SH2D3C: variants seen among roughly 807,000 people sequenced by gnomAD.
The protein encoded by SH2D3C is SH2 domain containing 3C.
Under a neutral mutation model 75.2 loss-of-function variants are expected in SH2D3C, and 25 were observed. The observed-to-expected ratio is 0.33, with a 90% CI of 0.24 to 0.46. The LOEUF (loss-of-function observed/expected upper bound fraction) is 0.46, where lower values mean the gene tolerates loss of function less well. Ranked by LOEUF, SH2D3C falls within the 20% of genes least tolerant of loss-of-function variation. SH2D3C has a pLI of 1.00. For synonymous variants in SH2D3C, 450 were observed against 473.7 expected (o/e 0.95, Z 0.65); for missense variants, 933 against 1,165.3 (o/e 0.80, Z 2.90).
At chr9:127,755,782 TG>T (rs1466709003) in intron 3 of SH2D3C, among the ~76,000 whole-genome samples, 1 of 152,160 alleles carries the variant, frequency 6.6e-6, no homozygotes, top group Non-Finnish European at 1.5e-5. Flanking sequence ...AGGGGCAGCC[TG>T]GATTCAACTG....
At chr9:127,767,398 C>T in intron 2 of SH2D3C, 3 of 1,185,184 alleles carry the variant, frequency 2.5e-6, no homozygotes, top group Non-Finnish European at 3.4e-6. Context: ...GGGCATGCAG[C>T]TGCTCAGACT....
Position 127,739,509 on chromosome 9 carries a change from CA to C in SH2D3C, c.2407+172del, listed in dbSNP as rs949675089. On this transcript the variant is annotated intron_variant, in intron 11 of 11. Coordinates refer to ENST00000314830, the MANE Select transcript of SH2D3C (RefSeq NM_170600.3). This position sits in a 1 kb window ranked among gnomAD's most constrained non-coding sequence, Gnocchi z 4.3. The stretch of plus-strand genomic sequence containing the variant: ...TGGGCGACAGTGTGAGACTCCATCT[CA>C]AAAAAAAAAGAAAAAAGAAAAGAAA... 1.1e-4 allele frequency among the ~76,000 whole-genome samples: 16 copies of C among 141,020 alleles called. No homozygotes were observed. The highest frequency in any genetic ancestry group is 2.3e-4 in the South Asian group (1 of 4,432). 92.5% of individuals were successfully genotyped at this position (141,020 alleles called of 152,430 possible). A position where few individuals can be genotyped will look rare whatever the true frequency, so the allele number is the denominator to read the frequency against.
intron 2 of SH2D3C, among the ~76,000 whole-genome samples, chr9:127,766,704 G>A (rs1845642020): frequency 6.6e-6 from 1 of 152,164 alleles, no homozygotes; most frequent in African/African-American, 2.4e-5. Flanking sequence ...TGAGTAGCTG[G>A]GACTACAGGT....
chr9:127,744,945 G>T lies in SH2D3C; in HGVS notation c.1419C>A (p.His473Gln). ...SDKGPHTSPS[H>Q]TLGKASPSPS... The stretch of plus-strand genomic sequence containing the variant: ...GTGACGGGGAGGCCTTGCCAAGGGT[G>T]TGGGAGGGGCTGGTGTGGGGGCCCT... Residue 473 changes from histidine (H) to glutamine (Q), a missense_variant, in exon 7 of 12, where the codon CAC becomes CAA. By Grantham distance (24) the His-to-Gln change is conservative. Transcript: ENST00000314830. The T allele has an allele frequency of 6.3e-7, 1 of 1,579,460 alleles. No homozygotes were observed.
At position 127,738,359 on chromosome 9, in the gene SH2D3C, C is replaced by G. The variant is rs1844748227; in HGVS notation, c.*387G>C. Reference sequence around the variant, plus strand: ...TTATTATATGAAAGAAATAACATGGCTTCTGTACATCTATTTACAGAACAG... The same window carrying G: ...TTATTATATGAAAGAAATAACATGGGTTCTGTACATCTATTTACAGAACAG... On this transcript the variant is annotated 3_prime_UTR_variant, in exon 12 of 12. Coordinates refer to ENST00000314830, the MANE Select transcript of SH2D3C (RefSeq NM_170600.3). The surrounding 1 kb of genome is among the most constrained non-coding windows in gnomAD (Gnocchi z 5.0). The G allele has an allele frequency of 6.1e-6, 1 of 162,986 alleles. No homozygotes were observed. The highest frequency in any genetic ancestry group is 1.3e-5 in the Non-Finnish European group (1 of 75,360). 10.1% of individuals were successfully genotyped at this position (162,986 alleles called of 1,614,324 possible).
chr9:127,760,507 T>C (rs1269524851), intron 3 of SH2D3C, among the ~76,000 whole-genome samples: 1 of 152,030 alleles, frequency 6.6e-6, no homozygotes, highest in Non-Finnish European at 1.5e-5. Flanking sequence ...CATGGGTTGA[T>C]GGGTGCAGCA....
Position 127,739,985 on chromosome 9 carries a change from C to G in SH2D3C, c.2201-97G>C, listed in dbSNP as rs970954303. 2 of 1,209,840 alleles carry G rather than the reference C, an allele frequency of 1.7e-6. No homozygotes were observed. The highest frequency in any genetic ancestry group is 2.3e-6 in the Non-Finnish European group (2 of 879,832). The allele number at this position is 1,209,840 out of a possible 1,614,324, so 74.9% of individuals were successfully genotyped here. A position where few individuals can be genotyped will look rare whatever the true frequency, so the allele number is the denominator to read the frequency against. On this transcript the variant is annotated intron_variant, in intron 10 of 11. Coordinates refer to ENST00000314830, the MANE Select transcript of SH2D3C (RefSeq NM_170600.3). The surrounding 1 kb of genome is among the most constrained non-coding windows in gnomAD (Gnocchi z 4.3). ...GAGGTGCAGGAGGGAACGGGCCTGG[C>G]TGAGGTCCGGGAGAGAGCCCCAAGG...
chr9:127,745,013 G>T lies in SH2D3C; in HGVS notation c.1351C>A (p.Leu451Met). 1 of 1,516,578 alleles carries T rather than the reference G, an allele frequency of 6.6e-7. No individual in the cohort carries two copies. The allele number at this position is 1,516,578 out of a possible 1,614,324, so 93.9% of individuals were successfully genotyped here. A position where few individuals can be genotyped will look rare whatever the true frequency, so the allele number is the denominator to read the frequency against. The change falls in exon 7 of 12, where the codon CTG becomes ATG. Residue 451 changes from leucine (L) to methionine (M), a missense_variant. Leu to Met is a conservative substitution (Grantham distance 15). Coordinates refer to ENST00000314830, the MANE Select transcript of SH2D3C (RefSeq NM_170600.3). ...PVARRSSEPQ[L>M]CPGSAPKTHG... ...GTCTTTGGGGCACTTCCGGGACACA[G>T]CTGGGGCTCACTGGAACGGCGGGCG...
Position 127,754,139 on chromosome 9 carries a change from A to G in SH2D3C, c.556-2839T>C, listed in dbSNP as rs1191608775. On this transcript the variant is annotated intron_variant, in intron 3 of 11. Transcript: ENST00000314830. This position sits in a 1 kb window ranked among gnomAD's most constrained non-coding sequence, Gnocchi z 4.4. ...GGGGGTGCTGGGGTGCGAATGCAGC[A>G]TCCCTGCGCTCGGCGCCCTGCTATT... Among the ~76,000 whole-genome samples, 4 of 152,294 alleles carry G rather than the reference A, an allele frequency of 2.6e-5. No individual in the cohort carries two copies. The East Asian group carries it at 7.8e-4, about 30-fold the overall frequency.
chr9:127,761,601 C>G lies in SH2D3C; in HGVS notation c.555+10G>C. 1 of 1,607,032 alleles carries G rather than the reference C, an allele frequency of 6.2e-7. No individual in the cohort carries two copies. Among genetic ancestry groups the G allele is most frequent in the South Asian group, 1.1e-5 (1 of 90,234 alleles). ...TGTCCTCTGACCAACCCCTGGCCAG[C>G]CCCTCCTACCTTCACATAGTCGCTG... On this transcript the variant is annotated intron_variant, in intron 3 of 11. Coordinates refer to ENST00000314830, the MANE Select transcript of SH2D3C (RefSeq NM_170600.3).
intron 3 of SH2D3C, among the ~76,000 whole-genome samples, chr9:127,753,212 T>G (rs1438589137): frequency 1.3e-5 from 2 of 151,868 alleles, no homozygotes; most frequent in African/African-American, 2.4e-5. Flanking sequence ...GAGAGCAGCC[T>G]AGGGTTTTCC....
chr9:127,739,329 T>C lies in SH2D3C; in HGVS notation c.2407+353A>G, dbSNP rs1844778173. Among the ~76,000 whole-genome samples, 1 of 151,816 alleles carries C rather than the reference T, an allele frequency of 6.6e-6. No individual in the cohort carries two copies. The highest frequency in any genetic ancestry group is 1.5e-5 in the Non-Finnish European group (1 of 67,974). On this transcript the variant is annotated intron_variant, in intron 11 of 11. Transcript: ENST00000314830. This position sits in a 1 kb window ranked among gnomAD's most constrained non-coding sequence, Gnocchi z 4.3. ...GTTCAAGACCAGCGGCCCAACATGG[T>C]GGAACCCCACCTCTACTAAAAATAC...
rs376243378 is a variant in SH2D3C, at chr9:127,761,590, C to T, written c.555+21G>A. On this transcript the variant is annotated intron_variant, in intron 3 of 11. Coordinates refer to ENST00000314830, the MANE Select transcript of SH2D3C (RefSeq NM_170600.3). Reference sequence around the variant, plus strand: ...GAGACCTTCAGTGTCCTCTGACCAACCCCTGGCCAGCCCCTCCTACCTTCA... The same window carrying T: ...GAGACCTTCAGTGTCCTCTGACCAATCCCTGGCCAGCCCCTCCTACCTTCA... 349 of 1,597,032 alleles carry T rather than the reference C, an allele frequency of 2.2e-4. 2 individuals carry two copies. In the South Asian group the frequency reaches 3.7e-3, roughly 17 times the overall value.
chr9:127,775,477 A>G (rs1349409433), intron 1 of SH2D3C, among the ~76,000 whole-genome samples: 4 of 151,916 alleles, frequency 2.6e-5, no homozygotes, highest in Non-Finnish European at 4.4e-5. Context: ...TAAAAATACA[A>G]AAATTAGCTG....
At chr9:127,746,982 T>C (rs1214359248) in intron 6 of SH2D3C, among the ~76,000 whole-genome samples, 165 bp downstream of exon 6, 1 of 152,246 alleles carries the variant, frequency 6.6e-6, no homozygotes, top group Non-Finnish European at 1.5e-5. Context: ...ACATCTTATA[T>C]GTTGATATCA....
In SH2D3C at chr9:127,738,776, C is replaced by T. The variant is rs1477416630; in HGVS notation, c.2553G>A (p.Leu851=). ...DKVLTALSHK[L]EPAVRSSEL ...GCTCGCTGGAGCGGACAGCAGGTTC[C>T]AGCTTGTGGGACAGGGCAGTGAGGA... is the stretch of plus-strand genomic sequence containing the variant. The change falls in exon 12 of 12, where the codon CTG becomes CTA. Residue 851 remains leucine, a synonymous_variant. Coordinates refer to ENST00000314830, the MANE Select transcript of SH2D3C (RefSeq NM_170600.3). The surrounding 1 kb of genome is among the most constrained non-coding windows in gnomAD (Gnocchi z 5.0). The T allele has an allele frequency of 2.5e-6, 4 of 1,608,158 alleles. No individual in the cohort carries two copies. The Admixed American group carries it at 6.8e-5, about 27-fold the overall frequency.
chr9:127,768,737 C>T (rs936210527), intron 2 of SH2D3C, among the ~76,000 whole-genome samples: 7 of 152,326 alleles, frequency 4.6e-5, no homozygotes, highest in South Asian at 2.1e-4. Flanking sequence ...CCAGGCCCTA[C>T]GTTATCTGCT....
rs1210425457 is a variant in SH2D3C at position 127,745,033 on chromosome 9, C to T, written c.1331G>A (p.Arg444His). The change falls in exon 7 of 12, where the codon CGC becomes CAC. Residue 444 changes from arginine (R) to histidine (H), a missense_variant. Physicochemically the swap from Arg to His is conservative, Grantham distance 29. Coordinates refer to ENST00000314830, the MANE Select transcript of SH2D3C (RefSeq NM_170600.3). ...ACACAGCTGGGGCTCACTGGAACGG[C>T]GGGCGACAGGGGAGGCAGGCAATGC... ...ATALPASPVA[R>H]RSSEPQLCPG... 8 of 1,509,708 alleles carry T rather than the reference C, an allele frequency of 5.3e-6. No individual in the cohort carries two copies. The highest frequency in any genetic ancestry group is 4.6e-5 in the East Asian group (2 of 43,752). The allele number at this position is 1,509,708 out of a possible 1,614,324, so 93.5% of individuals were successfully genotyped here.
chr9:127,744,227 C>T (rs755145697), intron 7 of SH2D3C, among the ~76,000 whole-genome samples: 2 of 151,948 alleles, frequency 1.3e-5, no homozygotes, highest in Non-Finnish European at 1.5e-5. Flanking sequence ...CCCACCACGA[C>T]GCCTAGCTAA....
Sources: gnomAD v4.1 joint callset for allele counts (sites outside exome capture counted in the v4.1 genomes callset) on GRCh38, gnomAD v4.1.1 for gene constraint, Gnocchi (gnomAD v3.1) non-coding constraint, MANE v1.5 for transcripts, NCBI Gene and HGNC (gene_info 2026-07-23, HGNC 2026-07-21) for gene names.